SLC28A3: variants seen among roughly 807,000 people sequenced by gnomAD.
SLC28A3 encodes concentrative Na(+)-nucleoside cotransporter 3.
A neutral mutation model predicts 84.2 loss-of-function variants in SLC28A3; 68 were observed. The ratio of observed to expected loss-of-function variants is 0.81; its 90% CI spans 0.66 to 0.99. SLC28A3 has a LOEUF of 0.99. Among genes scored for constraint, SLC28A3 ranks in the 50% least tolerant of loss-of-function variants. The pLI is 0.00. For synonymous variants in SLC28A3, 267 were observed against 303.6 expected (o/e 0.88, Z 1.25); for missense variants, 712 against 841.5 (o/e 0.85, Z 1.90).
At chr9:84,356,230 T>C in the SLC28A3 span, among the ~76,000 whole-genome samples, 5 of 152,126 alleles carry the variant, frequency 3.3e-5, no homozygotes. Context: ...ACTTACAGCA[T>C]GGGATAATTT....
intron 1 of SLC28A3, among the ~76,000 whole-genome samples, chr9:84,321,033 T>C (rs576403307): frequency 6.6e-6 from 1 of 152,014 alleles, no homozygotes; most frequent in East Asian, 1.9e-4. Flanking sequence ...TACTTAATTA[T>C]AGTTGTGCTA....
intron 4 of SLC28A3, among the ~76,000 whole-genome samples, 185 bp downstream of exon 4, chr9:84,305,069 C>T (rs1011939942): frequency 6.6e-6 from 1 of 152,030 alleles, no homozygotes; most frequent in African/African-American, 2.4e-5. Flanking sequence ...GGTAGGGAAA[C>T]AATTTGCATA....
the SLC28A3 span, among the ~76,000 whole-genome samples, chr9:84,362,957 A>G: frequency 6.6e-6 from 1 of 152,218 alleles, no homozygotes; most frequent in Non-Finnish European, 1.5e-5. Flanking sequence ...AGTAAAAAAG[A>G]TAAAAATATT....
At chr9:84,335,712 CGTGTGTGTGTGTGTGTGT>C (rs56259271) in intron 1 of SLC28A3, among the ~76,000 whole-genome samples, 1 of 148,824 alleles carries the variant, frequency 6.7e-6, no homozygotes, top group African/African-American at 2.5e-5. Context: ...TATGTATATA[CGTGTGTGTGTGTGTGTGT>C]GTGTGTGTGT....
upstream of SLC28A3, among the ~76,000 whole-genome samples, chr9:84,342,670 C>T (rs1827188900): frequency 6.6e-6 from 1 of 151,894 alleles, no homozygotes; most frequent in Admixed American, 6.6e-5. Flanking sequence ...TTCCCACCTG[C>T]CTTGGTTTCC....
chr9:84,312,543 T>C (rs932222273), intron 2 of SLC28A3, among the ~76,000 whole-genome samples: 1 of 56,252 alleles, frequency 1.8e-5, no homozygotes, highest in Non-Finnish European at 3.1e-5. Context: ...CCCAAATTCC[T>C]TTTTTTTTTT....
the SLC28A3 span, among the ~76,000 whole-genome samples, chr9:84,360,308 G>A: frequency 6.6e-6 from 1 of 151,980 alleles, no homozygotes; most frequent in South Asian, 2.1e-4. Flanking sequence ...ACTAGGCCAC[G>A]GGTTGTGGCA....
At chr9:84,301,369 A>AAAAAAAAAAAAAAAAAAAAAAAG (rs753889714) in intron 5 of SLC28A3, among the ~76,000 whole-genome samples, 1 of 132,408 alleles carries the variant, frequency 7.6e-6, no homozygotes, top group Admixed American at 8.5e-5. Context: ...AAAAAAAAAA[A>AAAAAAAAAAAAAAAAAAAAAAAG]AAAAAGAAAA....
At chr9:84,357,924 C>G in the SLC28A3 span, among the ~76,000 whole-genome samples, 8 of 152,112 alleles carry the variant, frequency 5.3e-5, no homozygotes, top group Admixed American at 1.3e-4. Flanking sequence ...TCTGAGTATC[C>G]AAATCTTTCC....
In SLC28A3 at chr9:84,297,216, T is replaced by C; in HGVS notation, c.861+5A>G. ...CGACTACATAGAAAAAAGGTTTGACTTTACCTTAAATGCAAAGAAGTGGTC... is the reference window on the plus strand; with the variant it reads ...CGACTACATAGAAAAAAGGTTTGACCTTACCTTAAATGCAAAGAAGTGGTC... On this transcript the variant is annotated splice_donor_5th_base_variant and intron_variant, in intron 8 of 17. Transcript: ENST00000376238. 6.2e-7 allele frequency: 1 copy of C among 1,611,144 alleles called. No homozygotes were observed. The highest frequency in any genetic ancestry group is 8.5e-7 in the Non-Finnish European group (1 of 1,178,926).
intron 15 of SLC28A3, 121 bp downstream of exon 15, chr9:84,280,680 A>G: frequency 2.2e-6 from 2 of 898,418 alleles, no homozygotes; most frequent in Non-Finnish European, 3.5e-6. Flanking sequence ...AATAGACCCC[A>G]GAGGACTCAT....
At chr9:84,311,851 T>A (rs1324456104) in intron 2 of SLC28A3, among the ~76,000 whole-genome samples, 1 of 152,102 alleles carries the variant, frequency 6.6e-6, no homozygotes, top group East Asian at 1.9e-4. Flanking sequence ...CGAGATTCCA[T>A]CTCAAAAAAA....
the SLC28A3 span, among the ~76,000 whole-genome samples, chr9:84,367,286 G>A: frequency 1.5e-4 from 23 of 152,186 alleles, no homozygotes; most frequent in African/African-American, 5.5e-4. Flanking sequence ...ACCCTTCAGG[G>A]CAATGGGCTC....
chr9:84,287,036 G>A (rs936201794), intron 12 of SLC28A3, among the ~76,000 whole-genome samples: 9 of 152,052 alleles, frequency 5.9e-5, no homozygotes, highest in African/African-American at 2.2e-4. Context: ...AAATACTGTC[G>A]CTACAAAAAG....
chr9:84,355,958 G>A, the SLC28A3 span, among the ~76,000 whole-genome samples: 4 of 151,900 alleles, frequency 2.6e-5, no homozygotes, highest in African/African-American at 9.7e-5. Context: ...GGGACTACGG[G>A]TGCACCCCAC....
At chr9:84,353,581 G>A in the SLC28A3 span, among the ~76,000 whole-genome samples, 2 of 152,052 alleles carry the variant, frequency 1.3e-5, no homozygotes, top group Admixed American at 6.6e-5. Flanking sequence ...GTGTTGATGC[G>A]CGCCTGTAAT....
intron 1 of SLC28A3, among the ~76,000 whole-genome samples, chr9:84,319,128 AG>A (rs1308393611): frequency 6.6e-6 from 1 of 152,212 alleles, no homozygotes; most frequent in Non-Finnish European, 1.5e-5. Flanking sequence ...AAAACGTAGG[AG>A]GTAGGATAAG....
At chr9:84,358,986 C>T in the SLC28A3 span, among the ~76,000 whole-genome samples, 1 of 152,002 alleles carries the variant, frequency 6.6e-6, no homozygotes, top group Non-Finnish European at 1.5e-5. Context: ...GTATTTTTGG[C>T]AGAGATGGAG....
At chr9:84,295,961 T>G (rs1196740449) in intron 8 of SLC28A3, among the ~76,000 whole-genome samples, 2 of 152,210 alleles carry the variant, frequency 1.3e-5, no homozygotes. Flanking sequence ...GGGTAGGCAG[T>G]GCCTTCCTGA....
Sources: allele counts gnomAD v4.1 joint callset (sites outside exome capture counted in the v4.1 genomes callset), GRCh38; gene constraint gnomAD v4.1.1; transcripts MANE v1.5; gene names NCBI Gene and HGNC (gene_info 2026-07-23, HGNC 2026-07-21).